Variants in NDST4 observed in about 807,000 individuals in gnomAD.
NDST4 encodes N-heparan sulfate sulfotransferase 4.
Under a neutral mutation model 100.8 loss-of-function variants are expected in NDST4, and 63 were observed. That is an observed-to-expected ratio of 0.62 (90% CI 0.51 to 0.77). NDST4 has a LOEUF of 0.77. Among genes scored for constraint, NDST4 ranks in the 30% least tolerant of loss-of-function variants. The probability of loss-of-function intolerance (pLI) is 0.00; values close to 1 mark genes in which losing one functional copy is unlikely to be tolerated. For synonymous variants in NDST4, 377 were observed against 361.8 expected (o/e 1.04, Z -0.48); for missense variants, 943 against 1,018.4 (o/e 0.93, Z 1.01).
At chr4:114,880,552 A>G (rs1312417205) in intron 6 of NDST4, among the ~76,000 whole-genome samples, 2 of 152,144 alleles carry the variant, frequency 1.3e-5, no homozygotes, top group African/African-American at 4.8e-5. Flanking sequence ...TGACAACCTC[A>G]AATAGAGTTC....
chr4:114,919,678 G>A (rs1441652899), intron 6 of NDST4, among the ~76,000 whole-genome samples: 1 of 152,190 alleles, frequency 6.6e-6, no homozygotes, highest in African/African-American at 2.4e-5. Flanking sequence ...AAGATTAAAT[G>A]AGAAAGCATT....
chr4:114,899,774 T>G (rs932728188), intron 6 of NDST4, among the ~76,000 whole-genome samples: 2 of 152,168 alleles, frequency 1.3e-5, no homozygotes, highest in Admixed American at 1.3e-4. Context: ...GTTCATAAGA[T>G]ATATTGGTCT....
intron 2 of NDST4, among the ~76,000 whole-genome samples, chr4:115,041,848 C>T (rs572248393): frequency 1.3e-5 from 2 of 151,814 alleles, no homozygotes; most frequent in South Asian, 2.1e-4. Context: ...GAAGGTAATT[C>T]GAAAAATAAA....
At chr4:115,052,990 C>A (rs1728617927) in intron 2 of NDST4, among the ~76,000 whole-genome samples, 1 of 151,982 alleles carries the variant, frequency 6.6e-6, no homozygotes, top group Non-Finnish European at 1.5e-5. Flanking sequence ...ACTTTTTTCT[C>A]AAAATTTTAT....
chr4:114,960,360 C>T (rs1482505964), intron 4 of NDST4, among the ~76,000 whole-genome samples: 1 of 152,034 alleles, frequency 6.6e-6, no homozygotes, highest in Admixed American at 6.6e-5. Context: ...GTATTACCAG[C>T]ACTTTGGGAG....
chr4:114,839,317 AAT>A, intron 11 of NDST4, 59 bp downstream of exon 11: 1 of 1,443,478 alleles, frequency 6.9e-7, no homozygotes, highest in Non-Finnish European at 9.4e-7. Context: ...ATTATAATAA[AAT>A]ATAAAATTTC....
chr4:115,051,872 C>T (rs1353879856), intron 2 of NDST4, among the ~76,000 whole-genome samples: 4 of 152,100 alleles, frequency 2.6e-5, no homozygotes, highest in African/African-American at 9.6e-5. Context: ...TTTACATTCT[C>T]ACAATACAGA....
At position 115,022,344 on chromosome 4, in the gene NDST4, CAT is replaced by C. The variant is rs137869626; in HGVS notation, c.979-45072_979-45071del. Among the ~76,000 whole-genome samples, 715 of 118,414 alleles carry C rather than the reference CAT, an allele frequency of 6.0e-3. 16 individuals carry two copies. The highest frequency in any genetic ancestry group is 0.026 in the African/African-American group (662 of 25,882). 77.7% of individuals were successfully genotyped at this position (118,414 alleles called of 152,430 possible). A position where few individuals can be genotyped will look rare whatever the true frequency, so the allele number is the denominator to read the frequency against. On this transcript the variant is annotated intron_variant, in intron 2 of 13. Coordinates refer to ENST00000264363, the MANE Select transcript of NDST4 (RefSeq NM_022569.3). Reference sequence around the variant, plus strand: ...TCCACATACATATGTGTTCCACGTACATATGTGTTCCACGTACATATGTGTTC... The same window carrying C: ...TCCACATACATATGTGTTCCACGTACATGTGTTCCACGTACATATGTGTTC...
intron 1 of NDST4, among the ~76,000 whole-genome samples, chr4:115,081,830 T>A (rs1331101538): frequency 6.6e-6 from 1 of 152,224 alleles, no homozygotes; most frequent in East Asian, 1.9e-4. Context: ...TATATGGTGA[T>A]GTTGACCTTT....
chr4:115,007,307 T>C (rs1727441048), intron 2 of NDST4, among the ~76,000 whole-genome samples: 6 of 152,176 alleles, frequency 3.9e-5, no homozygotes, highest in Admixed American at 3.9e-4. Flanking sequence ...TTCTGTTTTG[T>C]GAAATGGTGA....
intron 2 of NDST4, among the ~76,000 whole-genome samples, chr4:115,043,523 T>C (rs960994599): frequency 6.6e-6 from 1 of 152,054 alleles, no homozygotes; most frequent in African/African-American, 2.4e-5. Flanking sequence ...GGAACCACTG[T>C]CTAGAGTTAC....
At chr4:114,899,445 G>T (rs879669411) in intron 6 of NDST4, among the ~76,000 whole-genome samples, 3 of 152,074 alleles carry the variant, frequency 2.0e-5, no homozygotes, top group South Asian at 4.2e-4. Flanking sequence ...CCAAAATGCT[G>T]GGATTACAAG....
chr4:114,878,506 T>TA (rs1438086378), intron 6 of NDST4, among the ~76,000 whole-genome samples: 1 of 152,166 alleles, frequency 6.6e-6, no homozygotes, highest in Non-Finnish European at 1.5e-5. Context: ...TGAAAATATT[T>TA]AAAAAATCAG....
At chr4:115,092,767 TAA>T (rs1186280472) in intron 1 of NDST4, among the ~76,000 whole-genome samples, 1 of 151,826 alleles carries the variant, frequency 6.6e-6, no homozygotes, top group African/African-American at 2.4e-5. Flanking sequence ...AAAAATAAAA[TAA>T]GAGAAAAATA....
chr4:115,022,817 T>G (rs1727887811), intron 2 of NDST4, among the ~76,000 whole-genome samples: 1 of 152,032 alleles, frequency 6.6e-6, no homozygotes, highest in South Asian at 2.1e-4. Context: ...AATAGGAATT[T>G]CCCTGCACAA....
chr4:114,916,299 T>C (rs186268332), intron 6 of NDST4, among the ~76,000 whole-genome samples: 32 of 152,228 alleles, frequency 2.1e-4, no homozygotes, highest in African/African-American at 7.5e-4. Flanking sequence ...TGCCCCCACA[T>C]GTGATCCATA....
chr4:115,092,071 A>G (rs930274842), intron 1 of NDST4, among the ~76,000 whole-genome samples: 60 of 152,172 alleles, frequency 3.9e-4, no homozygotes, highest in South Asian at 2.1e-4. Flanking sequence ...GGGCATGTAA[A>G]CACACACACA....
chr4:114,973,723 A>C (rs2126242320), intron 3 of NDST4, among the ~76,000 whole-genome samples: 1 of 151,996 alleles, frequency 6.6e-6, no homozygotes, highest in African/African-American at 2.4e-5. Flanking sequence ...TCTCCTTAAA[A>C]GTACAGTTAT....
At chr4:114,940,298 T>C (rs1725720777) in intron 4 of NDST4, among the ~76,000 whole-genome samples, 1 of 152,176 alleles carries the variant, frequency 6.6e-6, no homozygotes, top group African/African-American at 2.4e-5. Context: ...AAATAAGATA[T>C]TGCAGTAATT....
Sources: allele counts gnomAD v4.1 joint callset (sites outside exome capture counted in the v4.1 genomes callset), GRCh38; gene constraint gnomAD v4.1.1; transcripts MANE v1.5; gene names NCBI Gene and HGNC (gene_info 2026-07-23, HGNC 2026-07-21).